The following RIMS1 variants were observed in gnomAD, a reference collection of about 807,000 sequenced individuals.
RIMS1 encodes regulating synaptic membrane exocytosis protein 1.
In RIMS1, 83 loss-of-function variants were observed where a neutral mutation model predicts 214.1. That is an observed-to-expected ratio of 0.39 (90% CI 0.32 to 0.47). The LOEUF is 0.47. RIMS1 is among the 20% of genes least tolerant of loss of function. RIMS1 has a pLI of 0.99. For synonymous variants in RIMS1, 793 were observed against 786.8 expected, an observed-to-expected ratio of 1.01 and a Z score of -0.13; for missense variants, 2,050 against 2,161.8, an observed-to-expected ratio of 0.95 and a Z score of 1.03.
chr6:72,082,001 T>G (rs1586551534), intron 2 of RIMS1, among the ~76,000 whole-genome samples: 1 of 152,342 alleles, frequency 6.6e-6, no homozygotes, highest in South Asian at 2.1e-4. Flanking sequence ...TAGAAAATAC[T>G]GTACCTAATG....
At chr6:72,184,263 A>G (rs898863394) in intron 6 of RIMS1, among the ~76,000 whole-genome samples, 1 of 152,238 alleles carries the variant, frequency 6.6e-6, no homozygotes. Flanking sequence ...TCATGACATT[A>G]CAAGAAAAAG....
intron 25 of RIMS1, 27 bp from the exon 26 acceptor site, chr6:72,291,907 C>T (rs2093440925): frequency 1.3e-6 from 2 of 1,497,200 alleles, no homozygotes; most frequent in Non-Finnish European, 1.8e-6. Flanking sequence ...TTCATTGTTT[C>T]ATGCCCGCTT....
chr6:72,217,053 G>A (rs561569947), intron 6 of RIMS1: 3 of 1,465,446 alleles, frequency 2.0e-6, no homozygotes, highest in South Asian at 1.4e-5. Flanking sequence ...AGAATGCAAG[G>A]ACCACAGGGA....
intron 1 of RIMS1, among the ~76,000 whole-genome samples, chr6:71,892,503 C>G (rs192573941): frequency 1.3e-5 from 2 of 152,182 alleles, no homozygotes; most frequent in Non-Finnish European, 2.9e-5. Flanking sequence ...GGTGGACTCT[C>G]CAGAACTGTC....
intron 23 of RIMS1, among the ~76,000 whole-genome samples, chr6:72,281,297 C>T (rs145991436): frequency 1.3e-5 from 2 of 152,210 alleles, no homozygotes; most frequent in African/African-American, 4.8e-5. Context: ...ATAAAGTGAA[C>T]ATGCTATCAC....
At chr6:72,337,111 G>A (rs1401999539) in intron 29 of RIMS1, among the ~76,000 whole-genome samples, 1 of 151,736 alleles carries the variant, frequency 6.6e-6, no homozygotes, top group Non-Finnish European at 1.5e-5. Context: ...ACGTAGTAAA[G>A]AATGGTAAAT....
At chr6:72,316,895 C>G (rs1487895076) in intron 28 of RIMS1, 5 of 890,058 alleles carry the variant, frequency 5.6e-6, no homozygotes, top group African/African-American at 3.3e-5. Context: ...CCCTGTGTCC[C>G]CCACTGGACA....
At chr6:71,947,449 C>T (rs189376313) in intron 1 of RIMS1, among the ~76,000 whole-genome samples, 3 of 152,054 alleles carry the variant, frequency 2.0e-5, no homozygotes, top group Admixed American at 2.0e-4. Flanking sequence ...AAGCCAGGTA[C>T]AAAAAGACAA....
intron 2 of RIMS1, among the ~76,000 whole-genome samples, chr6:72,000,300 T>C (rs1356473678): frequency 6.6e-6 from 1 of 152,206 alleles, no homozygotes; most frequent in Non-Finnish European, 1.5e-5. Context: ...CTGTAGGTAA[T>C]TTATTTTTCA....
At chr6:72,350,455 T>C (rs1448652535) in intron 29 of RIMS1, among the ~76,000 whole-genome samples, 1 of 152,164 alleles carries the variant, frequency 6.6e-6, no homozygotes, top group Non-Finnish European at 1.5e-5. Context: ...TCTAGAGGCC[T>C]CTGTCTGTGC....
At chr6:72,001,802 G>A (rs149930606) in intron 2 of RIMS1, among the ~76,000 whole-genome samples, 3 of 152,240 alleles carry the variant, frequency 2.0e-5, no homozygotes, top group Non-Finnish European at 4.4e-5. Context: ...ATGACTGTCA[G>A]TAACCAGGGA....
chr6:72,277,891 A>G (rs2087495780), intron 23 of RIMS1, among the ~76,000 whole-genome samples: 1 of 152,180 alleles, frequency 6.6e-6, no homozygotes, highest in African/African-American at 2.4e-5. Context: ...GTAAGTAGCC[A>G]TTTAGAAAAA....
At chr6:72,393,914 G>A (rs760889184) in intron 31 of RIMS1, among the ~76,000 whole-genome samples, 5 of 151,726 alleles carry the variant, frequency 3.3e-5, no homozygotes, top group Non-Finnish European at 5.9e-5. Context: ...GTACATACTC[G>A]GCCCCAAGCA....
At chr6:72,313,940 C>T (rs185882882) in intron 28 of RIMS1, among the ~76,000 whole-genome samples, 16 of 152,312 alleles carry the variant, frequency 1.1e-4, no homozygotes, top group African/African-American at 3.4e-4. Context: ...TTTAGTCCAA[C>T]ATCAGAAAGT....
intron 4 of RIMS1, among the ~76,000 whole-genome samples, chr6:72,157,957 T>C (rs2153923981): frequency 7.1e-6 from 1 of 140,712 alleles, no homozygotes; most frequent in African/African-American, 2.5e-5. Context: ...CTAACATATT[T>C]ACCACAATAT....
intron 29 of RIMS1, among the ~76,000 whole-genome samples, chr6:72,340,081 T>A (rs1307499728): frequency 6.6e-6 from 1 of 152,190 alleles, no homozygotes; most frequent in Non-Finnish European, 1.5e-5. Context: ...CATAAATGTC[T>A]TCTTTTGAGA....
At chr6:72,161,190 T>G (rs1157002397) in intron 4 of RIMS1, among the ~76,000 whole-genome samples, 1 of 141,106 alleles carries the variant, frequency 7.1e-6, no homozygotes, top group Non-Finnish European at 1.6e-5. Context: ...GTGTATAGTA[T>G]TCTCTGATGG....
chr6:72,150,486 G>A (rs747008644), intron 4 of RIMS1, among the ~76,000 whole-genome samples: 1 of 152,098 alleles, frequency 6.6e-6, no homozygotes, highest in Non-Finnish European at 1.5e-5. Context: ...AGATATTGAA[G>A]ACATTGAAAT....
chr6:72,384,591 C>T (rs906703909), intron 29 of RIMS1, among the ~76,000 whole-genome samples: 1 of 152,160 alleles, frequency 6.6e-6, no homozygotes, highest in Non-Finnish European at 1.5e-5. Flanking sequence ...GCCTCCTTGA[C>T]AGTCCTGATT....
Sources: gnomAD v4.1 joint callset for allele counts (sites outside exome capture counted in the v4.1 genomes callset) on GRCh38, gnomAD v4.1.1 for gene constraint, MANE v1.5 for transcripts, NCBI Gene and HGNC (gene_info 2026-07-23, HGNC 2026-07-21) for gene names.